The following JARID2 variants were observed in gnomAD, a reference collection of about 807,000 sequenced individuals.
JARID2 encodes the protein jumonji and AT-rich interaction domain containing 2.
In JARID2, 21 loss-of-function variants were observed where a neutral mutation model predicts 125.6. That is an observed-to-expected ratio of 0.17 (90% CI 0.12 to 0.24). The LOEUF is 0.24. Ranked by LOEUF, JARID2 falls within the 10% of genes least tolerant of loss-of-function variation. The pLI, the probability that JARID2 is intolerant of heterozygous loss-of-function variation, is 1.00. For synonymous variants in JARID2, 736 were observed against 661.6 expected (o/e 1.11, Z -1.73); for missense variants, 1,303 against 1,639.6 (o/e 0.79, Z 3.55).
At chr6:15,367,551 T>A (rs1194099696) in intron 1 of JARID2, among the ~76,000 whole-genome samples, 1 of 152,204 alleles carries the variant, frequency 6.6e-6, no homozygotes, top group Non-Finnish European at 1.5e-5. Flanking sequence ...ACTAACACAT[T>A]TCTGAGTTTT....
intron 5 of JARID2, among the ~76,000 whole-genome samples, chr6:15,485,641 T>C (rs1769830050): frequency 1.3e-5 from 2 of 152,234 alleles, no homozygotes; most frequent in South Asian, 4.1e-4. Context: ...ATTTTAATTG[T>C]TATACTTTCA....
chr6:15,313,790 T>C (rs1363603019), intron 1 of JARID2, among the ~76,000 whole-genome samples: 2 of 152,166 alleles, frequency 1.3e-5, no homozygotes, highest in Non-Finnish European at 2.9e-5. Context: ...TTCTTCTTAC[T>C]TGGGGAGATT....
intron 3 of JARID2, among the ~76,000 whole-genome samples, chr6:15,446,109 CAT>C (rs1767661842): frequency 6.6e-6 from 1 of 152,152 alleles, no homozygotes; most frequent in South Asian, 2.1e-4. Context: ...GCTCAGATAC[CAT>C]GTGTGTACTG....
Position 15,512,343 on chromosome 6 carries a change from C to T in JARID2, c.3088C>T (p.His1030Tyr), listed in dbSNP as rs1771318938. The change falls in exon 14 of 18, where the codon CAC (histidine) becomes TAC (tyrosine). Residue 1030 changes from histidine to tyrosine, a missense_variant. Coordinates refer to ENST00000341776, the MANE Select transcript of JARID2 (RefSeq NM_004973.4). ...TGGGTACAGCGTGTCTGAAACCGTG[C>T]ACTTTGCTACCACCCAGTGGACAAG... Reference protein sequence around the residue: ...CCGYSVSETVHFATTQWTSMG... With the variant: ...CCGYSVSETVYFATTQWTSMG... The T allele has an allele frequency of 3.1e-6, 5 of 1,614,084 alleles. No individual in the cohort carries two copies. The African/African-American group carries it at 5.3e-5, about 17-fold the overall frequency.
At chr6:15,403,416 G>A (rs887288766) in intron 2 of JARID2, among the ~76,000 whole-genome samples, 5 of 152,134 alleles carry the variant, frequency 3.3e-5, no homozygotes, top group African/African-American at 1.2e-4. Context: ...GGTCTAGAGA[G>A]CCAGAATGGG....
intron 1 of JARID2, among the ~76,000 whole-genome samples, chr6:15,271,583 GA>G (rs1451789027): frequency 6.6e-6 from 1 of 152,248 alleles, no homozygotes; most frequent in Non-Finnish European, 1.5e-5. Flanking sequence ...GCCAAGGCAT[GA>G]GGCTTGCTTG....
At chr6:15,449,406 G>A (rs1230318134) in intron 3 of JARID2, among the ~76,000 whole-genome samples, 1 of 152,034 alleles carries the variant, frequency 6.6e-6, no homozygotes, top group African/African-American at 2.4e-5. Context: ...AACACTTTGG[G>A]AGGCCAAGGC....
At chr6:15,340,488 T>C (rs1260295757) in intron 1 of JARID2, among the ~76,000 whole-genome samples, 1 of 152,216 alleles carries the variant, frequency 6.6e-6, no homozygotes, top group Non-Finnish European at 1.5e-5. Context: ...TGTGATTCCT[T>C]GACTAGATAT....
chr6:15,426,855 G>A (rs749716818), intron 3 of JARID2, among the ~76,000 whole-genome samples: 2 of 152,100 alleles, frequency 1.3e-5, no homozygotes, highest in Non-Finnish European at 2.9e-5. Flanking sequence ...TGATCAAAAG[G>A]CTTATTTATA....
Position 15,454,399 on chromosome 6 carries a change from G to C in JARID2, c.493+2224G>C, listed in dbSNP as rs145566100. On this transcript the variant is annotated intron_variant, in intron 4 of 17. Transcript: ENST00000341776. ...AGAAATTTTGTAGCCCTTGTCGGTT[G>C]TTGAGCCTTGAAAACAGGGAGATAC... Among the ~76,000 whole-genome samples the C allele has an allele frequency of 2.3e-3, 351 of 152,298 alleles. 2 individuals carry two copies. Among genetic ancestry groups the C allele is most frequent in the African/African-American group, 8.0e-3 (332 of 41,560 alleles).
intron 5 of JARID2, among the ~76,000 whole-genome samples, chr6:15,472,342 C>G (rs1769117448): frequency 6.6e-6 from 1 of 152,110 alleles, no homozygotes; most frequent in Non-Finnish European, 1.5e-5. Flanking sequence ...CATACCCAAA[C>G]CAGCTGAGCT....
intron 6 of JARID2, among the ~76,000 whole-genome samples, chr6:15,493,168 T>C (rs931310979): frequency 2.0e-5 from 3 of 151,740 alleles, no homozygotes; most frequent in Non-Finnish European, 4.4e-5. Flanking sequence ...AGATAGAATA[T>C]GAGAGACATA....
rs563868104 is a variant in JARID2, at chr6:15,290,494, TC to T, written c.45+43912del. Among the ~76,000 whole-genome samples the T allele has an allele frequency of 4.9e-3, 739 of 152,348 alleles. 7 individuals are homozygous for T. Among genetic ancestry groups the T allele is most frequent in the African/African-American group, 0.016 (684 of 41,578 alleles). On this transcript the variant is annotated intron_variant, in intron 1 of 17. Coordinates refer to ENST00000341776, the MANE Select transcript of JARID2 (RefSeq NM_004973.4). ...TGTCCTTGAACCATTTTGCAAGTGT[TC>T]CAGTTGTTCCACATCCTTGACAGCT...
At chr6:15,280,107 G>A (rs1760693330) in intron 1 of JARID2, among the ~76,000 whole-genome samples, 1 of 151,952 alleles carries the variant, frequency 6.6e-6, no homozygotes, top group African/African-American at 2.4e-5. Context: ...TGTCAAATCC[G>A]TGACTTTGGA....
chr6:15,339,241 C>T (rs1423679514), intron 1 of JARID2, among the ~76,000 whole-genome samples: 1 of 152,046 alleles, frequency 6.6e-6, no homozygotes, highest in Non-Finnish European at 1.5e-5. Flanking sequence ...GGAGAAAATC[C>T]CACTGCCTCC....
rs751029096 is a variant in JARID2 at position 15,496,785 on chromosome 6, C to T, written c.1560C>T (p.Ala520=). The T allele has an allele frequency of 3.1e-6, 5 of 1,611,934 alleles. No homozygotes were observed. The highest frequency in any genetic ancestry group is 1.3e-5 in the African/African-American group (1 of 75,030). The change falls in exon 7 of 18, where the codon GCC becomes GCT. Residue 520 remains alanine, a synonymous_variant. Transcript: ENST00000341776. Reference sequence around the variant, plus strand: ...AAGCACATGGCAAGGCGGACAGCGCCTCCTGTGAAAATCGTTCTACCTCGC... The same window carrying T: ...AAGCACATGGCAAGGCGGACAGCGCTTCCTGTGAAAATCGTTCTACCTCGC... ...GRQAHGKADS[A]SCENRSTSQP... is the part of the protein sequence containing the mutation.
At chr6:15,279,713 T>G (rs1234881820) in intron 1 of JARID2, among the ~76,000 whole-genome samples, 2 of 152,226 alleles carry the variant, frequency 1.3e-5, no homozygotes, top group African/African-American at 4.8e-5. Flanking sequence ...GGCACTACCC[T>G]CTAATCTCCC....
At chr6:15,349,150 A>G (rs1018295104) in intron 1 of JARID2, among the ~76,000 whole-genome samples, 2 of 152,216 alleles carry the variant, frequency 1.3e-5, no homozygotes, top group African/African-American at 4.8e-5. Flanking sequence ...GATCCCATCT[A>G]TGAAGTCATA....
chr6:15,355,530 C>T lies in JARID2; in HGVS notation c.46-18587C>T, dbSNP rs559940511. Among the ~76,000 whole-genome samples the T allele has an allele frequency of 3.9e-5, 6 of 151,988 alleles. No individual in the cohort carries two copies. In the South Asian group the frequency reaches 1.2e-3, roughly 32 times the overall value. On this transcript the variant is annotated intron_variant, in intron 1 of 17. Transcript: ENST00000341776. ...ATTTATTTTTGCTTATGTAAAAAAT[C>T]ACATAAGATTCACTGTTGTAACCAT...
Sources: allele counts gnomAD v4.1 joint callset (sites outside exome capture counted in the v4.1 genomes callset), GRCh38; gene constraint gnomAD v4.1.1; transcripts MANE v1.5; gene names NCBI Gene and HGNC (gene_info 2026-07-23, HGNC 2026-07-21).